Variants in NRG3 observed in about 807,000 individuals in gnomAD.
NRG3 encodes neuregulin 3.
NRG3 carries 31 observed loss-of-function variants against 66.9 expected under a neutral mutation model. The ratio of observed to expected loss-of-function variants is 0.46; its 90% CI spans 0.35 to 0.63. The LOEUF (loss-of-function observed/expected upper bound fraction) is 0.63. NRG3 is among the 20% of genes least tolerant of loss of function. The probability of loss-of-function intolerance (pLI) is 0.00; values close to 1 mark genes in which losing one functional copy is unlikely to be tolerated. For synonymous variants in NRG3, 393 were observed against 359.4 expected (o/e 1.09, Z -1.06); for missense variants, 910 against 878.9 (o/e 1.04, Z -0.45).
At chr10:82,314,139 A>T (rs1189533812) in intron 1 of NRG3, among the ~76,000 whole-genome samples, 2 of 152,208 alleles carry the variant, frequency 1.3e-5, no homozygotes, top group Non-Finnish European at 2.9e-5. Context: ...TCCTCAGCAC[A>T]GATTAAATAA....
At chr10:82,792,801 C>T (rs2060640256) in intron 3 of NRG3, among the ~76,000 whole-genome samples, 1 of 152,094 alleles carries the variant, frequency 6.6e-6, no homozygotes, top group Admixed American at 6.6e-5. Context: ...CTGCCTCAGC[C>T]TCCTGAGTAG....
chr10:82,643,926 G>T (rs1376949410), intron 2 of NRG3, among the ~76,000 whole-genome samples: 3 of 149,948 alleles, frequency 2.0e-5, no homozygotes, highest in Non-Finnish European at 4.4e-5. Context: ...ACACACACGA[G>T]AATTTCCCAA....
chr10:82,056,733 CT>C (rs1207011141), intron 1 of NRG3, among the ~76,000 whole-genome samples: 1 of 152,144 alleles, frequency 6.6e-6, no homozygotes, highest in Non-Finnish European at 1.5e-5. Context: ...TTGACTGTAG[CT>C]TTCAAAGATG....
At chr10:82,693,339 T>C (rs547282736) in intron 2 of NRG3, among the ~76,000 whole-genome samples, 2 of 152,182 alleles carry the variant, frequency 1.3e-5, no homozygotes, top group East Asian at 1.9e-4. Flanking sequence ...GAATGGACGA[T>C]GATGATAATT....
chr10:82,588,677 G>T (rs1298144959), intron 2 of NRG3, among the ~76,000 whole-genome samples: 3 of 151,766 alleles, frequency 2.0e-5, no homozygotes, highest in African/African-American at 7.3e-5. Context: ...TAATTTTTGT[G>T]TTTTTAGTAG....
chr10:82,626,764 G>C (rs2049452756), intron 2 of NRG3, among the ~76,000 whole-genome samples: 1 of 151,900 alleles, frequency 6.6e-6, no homozygotes. Flanking sequence ...TCTAATTCCT[G>C]ACTCATGACA....
At chr10:82,328,162 C>T (rs2081967204) in intron 1 of NRG3, among the ~76,000 whole-genome samples, 1 of 152,082 alleles carries the variant, frequency 6.6e-6, no homozygotes, top group Non-Finnish European at 1.5e-5. Flanking sequence ...CTTCTATATC[C>T]TTATATTGCA....
chr10:82,000,340 C>G (rs892522854), intron 1 of NRG3, among the ~76,000 whole-genome samples: 13 of 152,028 alleles, frequency 8.6e-5, no homozygotes, highest in African/African-American at 3.1e-4. Flanking sequence ...AGTAATGTAT[C>G]AAGGTCATGT....
At chr10:82,276,186 T>C (rs1245223539) in intron 1 of NRG3, among the ~76,000 whole-genome samples, 11 of 152,002 alleles carry the variant, frequency 7.2e-5, no homozygotes, top group Non-Finnish European at 4.4e-5. Context: ...GTAATTGTCC[T>C]GAATTCCTAT....
intron 4 of NRG3, among the ~76,000 whole-genome samples, chr10:82,902,202 A>C (rs1844293281): frequency 6.6e-6 from 1 of 152,128 alleles, no homozygotes; most frequent in African/African-American, 2.4e-5. Context: ...GTTTATTCAA[A>C]GTTTGTGAAC....
chr10:82,071,570 A>T (rs1182307031), intron 1 of NRG3, among the ~76,000 whole-genome samples: 1 of 152,168 alleles, frequency 6.6e-6, no homozygotes, highest in Non-Finnish European at 1.5e-5. Flanking sequence ...AGCAAAGAGA[A>T]CCAATGGCAG....
intron 2 of NRG3, among the ~76,000 whole-genome samples, chr10:82,671,145 A>G (rs1347656832): frequency 1.3e-5 from 2 of 152,200 alleles, no homozygotes; most frequent in African/African-American, 2.4e-5. Flanking sequence ...GGTCCTCACC[A>G]GTGCCTGGAA....
At chr10:82,015,270 G>A (rs1473786531) in intron 1 of NRG3, among the ~76,000 whole-genome samples, 1 of 152,166 alleles carries the variant, frequency 6.6e-6, no homozygotes, top group Non-Finnish European at 1.5e-5. Flanking sequence ...GATTTTGAAA[G>A]CAAACCTTTG....
chr10:82,502,192 A>G (rs1397951382), intron 2 of NRG3, among the ~76,000 whole-genome samples: 1 of 151,994 alleles, frequency 6.6e-6, no homozygotes, highest in Non-Finnish European at 1.5e-5. Flanking sequence ...TTTGTGTTTT[A>G]TTAGCAATCT....
At chr10:82,101,835 G>A (rs1480190811) in intron 1 of NRG3, among the ~76,000 whole-genome samples, 1 of 150,978 alleles carries the variant, frequency 6.6e-6, no homozygotes, top group Non-Finnish European at 1.5e-5. Context: ...CATCAGTTTG[G>A]TCGATACTGT....
At chr10:81,991,558 A>G (rs1360914704) in intron 1 of NRG3, among the ~76,000 whole-genome samples, 1 of 152,172 alleles carries the variant, frequency 6.6e-6, no homozygotes, top group Non-Finnish European at 1.5e-5. Context: ...TGTAGGCATA[A>G]TTAACCAACC....
intron 2 of NRG3, among the ~76,000 whole-genome samples, chr10:82,724,008 T>TAAAAAAAAA (rs1565242500): frequency 2.8e-5 from 4 of 144,078 alleles, no homozygotes; most frequent in African/African-American, 1.1e-4. Context: ...AAAAAAAATT[T>TAAAAAAAAA]AAAAAATAAA....
At chr10:82,540,999 G>A (rs970361135) in intron 2 of NRG3, among the ~76,000 whole-genome samples, 2 of 152,140 alleles carry the variant, frequency 1.3e-5, no homozygotes, top group African/African-American at 4.8e-5. Flanking sequence ...CACGCAAAGA[G>A]AGATGGCGGG....
At chr10:82,708,471 A>G (rs918280686) in intron 2 of NRG3, among the ~76,000 whole-genome samples, 6 of 152,150 alleles carry the variant, frequency 3.9e-5, no homozygotes, top group African/African-American at 1.2e-4. Flanking sequence ...CTCACTTGCC[A>G]TCCTCAAGTA....
Sources: allele counts gnomAD v4.1 joint callset (sites outside exome capture counted in the v4.1 genomes callset), GRCh38; gene constraint gnomAD v4.1.1; transcripts MANE v1.5; gene names NCBI Gene and HGNC (gene_info 2026-07-23, HGNC 2026-07-21).